Variants in RECQL5 observed in about 807,000 individuals in gnomAD.
RECQL5 encodes the protein ATP-dependent DNA helicase Q5.
Under a neutral mutation model 103.4 loss-of-function variants are expected in RECQL5, and 88 were observed. That is an observed-to-expected ratio of 0.85 (90% CI 0.72 to 1.02). The LOEUF (loss-of-function observed/expected upper bound fraction) is 1.02, where lower values mean the gene tolerates loss of function less well. Ranked by LOEUF, RECQL5 falls within the 50% of genes least tolerant of loss-of-function variation. The probability of loss-of-function intolerance (pLI) is 0.00; values close to 1 mark genes in which losing one functional copy is unlikely to be tolerated. For missense variants in RECQL5, 1,232 were observed against 1,284.3 expected, an observed-to-expected ratio of 0.96 and a Z score of 0.62; for synonymous variants, 552 against 507.9, an observed-to-expected ratio of 1.09 and a Z score of -1.17.
chr17:75,655,216 A>T (rs757590938), intron 7 of RECQL5, among the ~76,000 whole-genome samples: 28 of 149,512 alleles, frequency 1.9e-4, no homozygotes, highest in African/African-American at 4.9e-4. Flanking sequence ...GGATTACAGG[A>T]GCCCGCCACC....
rs1453801913 is a variant in RECQL5 at position 75,662,569 on chromosome 17, A to G, written c.681T>C (p.Tyr227=). 1.2e-6 allele frequency: 2 copies of G among 1,614,158 alleles called. No homozygotes were observed. Among genetic ancestry groups the G allele is most frequent in the East Asian group, 2.2e-5 (1 of 44,870 alleles). The part of the protein sequence containing the change: ...KTPCFRANLF[Y]DVQFKELISD... Reference sequence around the variant, plus strand: ...AAATCAGTTCCTTGAATTGCACATCATAGAAGAGGTTGGCCCGGAAGCAGG... The same window carrying G: ...AAATCAGTTCCTTGAATTGCACATCGTAGAAGAGGTTGGCCCGGAAGCAGG... Residue 227 remains tyrosine, a synonymous_variant, in exon 4 of 20, where the codon TAT becomes TAC. Coordinates refer to ENST00000317905, the MANE Select transcript of RECQL5 (RefSeq NM_004259.7).
intron 8 of RECQL5, among the ~76,000 whole-genome samples, chr17:75,644,799 A>T (rs1321919685): frequency 6.7e-6 from 1 of 148,650 alleles, no homozygotes; most frequent in African/African-American, 2.5e-5. Flanking sequence ...ACTGCACTCC[A>T]GCCTGGGCTA....
At position 75,629,122 on chromosome 17, in the gene RECQL5, G is replaced by A; in HGVS notation, c.2301C>T (p.Phe767=). ...AHKDSQSIAR[F]FCRRVESPAL... ...CTGGGCTTTCCACCCTTCGGCAGAA[G>A]AAGCGGGCGATGCTCTGAGAATCCT... Residue 767 remains phenylalanine, a synonymous_variant, in exon 16 of 20, where the codon TTC becomes TTT. Transcript: ENST00000317905. The A allele has an allele frequency of 1.2e-6, 2 of 1,613,798 alleles. No homozygotes were observed. Among genetic ancestry groups the A allele is most frequent in the Admixed American group, 1.7e-5 (1 of 60,024 alleles).
At chr17:75,663,909 C>T (rs1184889000) in intron 3 of RECQL5, among the ~76,000 whole-genome samples, 1 of 151,842 alleles carries the variant, frequency 6.6e-6, no homozygotes, top group Non-Finnish European at 1.5e-5. Context: ...ACAAAATTAG[C>T]CAGGCATGGT....
At chr17:75,652,046 T>C (rs1456096518) in intron 7 of RECQL5, among the ~76,000 whole-genome samples, 1 of 151,942 alleles carries the variant, frequency 6.6e-6, no homozygotes, top group Non-Finnish European at 1.5e-5. Context: ...TGCCAACATG[T>C]TGAAACTCCA....
rs11652028 is a variant in RECQL5 at position 75,636,234 on chromosome 17, T to G, written c.1230-4566A>C. 0.02 allele frequency among the ~76,000 whole-genome samples: 3,106 copies of G among 152,144 alleles called. 44 individuals carry two copies. The highest frequency in any genetic ancestry group is 0.032 in the Non-Finnish European group (2,147 of 67,974). ...GAGAAGCCTCCAACCAAGGCACTAC[T>G]GAGCGTGGGGTTGGGAGGGACTCTG... On this transcript the variant is annotated intron_variant, in intron 8 of 19. Coordinates refer to ENST00000317905, the MANE Select transcript of RECQL5 (RefSeq NM_004259.7). This position sits in a 1 kb window ranked among gnomAD's most constrained non-coding sequence, Gnocchi z 5.4.
At chr17:75,661,479 T>A (rs2059698562) in intron 5 of RECQL5, 127 bp downstream of exon 5, 3 of 695,658 alleles carry the variant, frequency 4.3e-6, no homozygotes, top group Non-Finnish European at 7.7e-6. Flanking sequence ...AGTGTATCAC[T>A]TTAGCTCTGC....
rs1256127063 is a variant in RECQL5, at chr17:75,636,020, C to T, written c.1230-4352G>A. ...ATCCCTCCGGCTCTGCCAGCCTTCT[C>T]TGCCCTGAGTGTTTCCCCTGTGCTG... On this transcript the variant is annotated intron_variant, in intron 8 of 19. Coordinates refer to ENST00000317905, the MANE Select transcript of RECQL5 (RefSeq NM_004259.7). The surrounding 1 kb of genome is among the most constrained non-coding windows in gnomAD (Gnocchi z 5.4). 1.3e-5 allele frequency among the ~76,000 whole-genome samples: 2 copies of T among 152,254 alleles called. No homozygotes were observed. The highest frequency in any genetic ancestry group is 2.9e-5 in the Non-Finnish European group (2 of 68,038).
Position 75,630,841 on chromosome 17 carries a change from TGGGG to T in RECQL5, c.1586-8_1586-5del. On this transcript the variant is annotated splice_region_variant and splice_polypyrimidine_tract_variant and intron_variant, in intron 11 of 19. Transcript: ENST00000317905. ...TCTTTCAGGGGACAGTTCTCATCTG[TGGGG>T]GGGGGGGGTGGTCCTTGGTCCTTTC... is the stretch of plus-strand genomic sequence containing the variant. 67 of 1,129,052 alleles carry T rather than the reference TGGGG, an allele frequency of 5.9e-5. No homozygotes were observed. Among genetic ancestry groups the T allele is most frequent in the African/African-American group, 1.2e-4 (4 of 34,510 alleles). The allele number at this position is 1,129,052 out of a possible 1,614,324, so 69.9% of individuals were successfully genotyped here.
chr17:75,641,905 C>G (rs563554341), intron 8 of RECQL5, among the ~76,000 whole-genome samples: 1 of 152,292 alleles, frequency 6.6e-6, no homozygotes. Flanking sequence ...CCGAACTCCC[C>G]CTTGGTGAAA....
chr17:75,656,677 C>T (rs1772199385), intron 7 of RECQL5, among the ~76,000 whole-genome samples: 1 of 151,594 alleles, frequency 6.6e-6, no homozygotes, highest in African/African-American at 2.4e-5. Context: ...GTCATTTCTA[C>T]CTGCTGTTGT....
chr17:75,627,564 C>T (rs1239868212), intron 19 of RECQL5, 42 bp from the exon 20 acceptor site: 15 of 1,613,032 alleles, frequency 9.3e-6, no homozygotes, highest in Non-Finnish European at 1.3e-5. Flanking sequence ...GAGCGTTAGC[C>T]TCCTCCCTGT....
intron 8 of RECQL5, chr17:75,646,540 A>C (rs1383187160): frequency 3.3e-5 from 5 of 152,402 alleles, no homozygotes; most frequent in African/African-American, 9.6e-5. Context: ...GAAAGGCAGA[A>C]AGGGAGCCGT....
chr17:75,663,172 GTGTTCTA>G (rs1407255865), intron 3 of RECQL5, among the ~76,000 whole-genome samples, 175 bp from the exon 4 acceptor site: 6 of 152,168 alleles, frequency 3.9e-5, no homozygotes, highest in African/African-American at 1.4e-4. Context: ...GGGACCAAAA[GTGTTCTA>G]GATTTCAGAT....
At chr17:75,631,108 C>T (rs771032813) in intron 10 of RECQL5, 42 bp downstream of exon 10, 4 of 1,609,622 alleles carry the variant, frequency 2.5e-6, no homozygotes, top group Non-Finnish European at 3.4e-6. Flanking sequence ...GAGCAGGGGG[C>T]CACCAGGGGC....
chr17:75,663,667 T>A (rs112729173), intron 3 of RECQL5, among the ~76,000 whole-genome samples: 1 of 152,194 alleles, frequency 6.6e-6, no homozygotes, highest in African/African-American at 2.4e-5. Context: ...AATCGCCACA[T>A]GCTCGCTGGC....
intron 7 of RECQL5, among the ~76,000 whole-genome samples, chr17:75,657,461 T>C (rs2059638493): frequency 6.6e-6 from 1 of 151,386 alleles, no homozygotes. Context: ...CAAAAGACAA[T>C]ATTAAGGCCG....
At chr17:75,635,689 C>G in intron 8 of RECQL5, 1 of 652,912 alleles carries the variant, frequency 1.5e-6, no homozygotes, top group Non-Finnish European at 1.9e-6. Flanking sequence ...ATGCCTCCTT[C>G]TAGGTGGACC....
At chr17:75,664,090 T>C (rs1290630894) in intron 3 of RECQL5, among the ~76,000 whole-genome samples, 3 of 147,560 alleles carry the variant, frequency 2.0e-5, no homozygotes, top group African/African-American at 7.4e-5. Flanking sequence ...AAGAAATTAA[T>C]GTATGTAAAG....
Sources: gnomAD v4.1 joint callset for allele counts (sites outside exome capture counted in the v4.1 genomes callset) on GRCh38, gnomAD v4.1.1 for gene constraint, Gnocchi (gnomAD v3.1) non-coding constraint, MANE v1.5 for transcripts, NCBI Gene and HGNC (gene_info 2026-07-23, HGNC 2026-07-21) for gene names.